SLC24A2: variants seen among roughly 807,000 people sequenced by gnomAD.
SLC24A2 encodes the protein sodium/potassium/calcium exchanger 2.
A neutral mutation model predicts 62.0 loss-of-function variants in SLC24A2; 36 were observed. The ratio of observed to expected loss-of-function variants is 0.58; its 90% CI spans 0.44 to 0.77. SLC24A2 has a LOEUF of 0.77. Among genes scored for constraint, SLC24A2 ranks in the 30% least tolerant of loss-of-function variants. The pLI, the probability that SLC24A2 is intolerant of heterozygous loss-of-function variation, is 0.00. For missense variants in SLC24A2, 846 were observed against 817.9 expected (o/e 1.03, Z -0.42); for synonymous variants, 358 against 294.0 (o/e 1.22, Z -2.23).
At chr9:19,961,234 T>TA in the SLC24A2 span, among the ~76,000 whole-genome samples, 50 of 149,230 alleles carry the variant, frequency 3.4e-4, no homozygotes, top group South Asian at 2.1e-3. Flanking sequence ...ATAATAATAA[T>TA]AAAAAAAAAG....
chr9:19,568,876 C>G (rs1428699879), intron 7 of SLC24A2, among the ~76,000 whole-genome samples: 1 of 152,194 alleles, frequency 6.6e-6, no homozygotes, highest in African/African-American at 2.4e-5. Context: ...AGCCCCTGTT[C>G]TGGAAGTAAG....
At chr9:19,656,822 T>C (rs1818956333) in intron 2 of SLC24A2, among the ~76,000 whole-genome samples, 1 of 152,170 alleles carries the variant, frequency 6.6e-6, no homozygotes, top group Non-Finnish European at 1.5e-5. Flanking sequence ...CTGCTTCCCA[T>C]CCCCAGCTTC....
chr9:19,785,899 T>G, intron 2 of SLC24A2, 38 bp downstream of exon 2: 2 of 1,613,956 alleles, frequency 1.2e-6, no homozygotes, highest in African/African-American at 2.7e-5. Flanking sequence ...AGAACCGTAG[T>G]CAAGAAAAGC....
chr9:19,745,650 T>C (rs932353732), intron 2 of SLC24A2, among the ~76,000 whole-genome samples: 13 of 152,148 alleles, frequency 8.5e-5, no homozygotes, highest in Non-Finnish European at 4.4e-5. Flanking sequence ...AATTAATCTA[T>C]CCCTCTGAAT....
At chr9:20,056,893 C>G in the SLC24A2 span, among the ~76,000 whole-genome samples, 11 of 152,320 alleles carry the variant, frequency 7.2e-5, no homozygotes, top group African/African-American at 2.6e-4. Flanking sequence ...TAAAAAACCC[C>G]TCTCTTTACA....
intron 2 of SLC24A2, among the ~76,000 whole-genome samples, chr9:19,683,906 C>T (rs1819797251): frequency 6.6e-6 from 1 of 152,078 alleles, no homozygotes; most frequent in Non-Finnish European, 1.5e-5. Flanking sequence ...CCTGGCAGTT[C>T]CTCCCTGTGT....
At chr9:19,867,772 G>A in the SLC24A2 span, among the ~76,000 whole-genome samples, 1 of 152,264 alleles carries the variant, frequency 6.6e-6, no homozygotes, top group East Asian at 1.9e-4. Flanking sequence ...GCTGGGCGTG[G>A]TGTTGCACGC....
the SLC24A2 span, among the ~76,000 whole-genome samples, chr9:20,112,302 C>T: frequency 6.6e-6 from 1 of 152,180 alleles, no homozygotes; most frequent in African/African-American, 2.4e-5. Flanking sequence ...GAAAGCAAGG[C>T]CGAATCTGCA....
chr9:20,167,894 T>G, the SLC24A2 span, among the ~76,000 whole-genome samples: 3 of 151,778 alleles, frequency 2.0e-5, no homozygotes, highest in Non-Finnish European at 4.4e-5. Flanking sequence ...CCTGTTTTTT[T>G]TTTTTATATT....
intron 5 of SLC24A2, among the ~76,000 whole-genome samples, chr9:19,593,182 G>A (rs1438352940): frequency 6.6e-6 from 1 of 152,200 alleles, no homozygotes; most frequent in Non-Finnish European, 1.5e-5. Context: ...TAAGAAAGAT[G>A]CCTTCCACTG....
chr9:19,604,304 T>G (rs189347518), intron 4 of SLC24A2, among the ~76,000 whole-genome samples: 3 of 152,120 alleles, frequency 2.0e-5, no homozygotes, highest in Admixed American at 2.0e-4. Context: ...TTCAGTGAAG[T>G]AGGAGGACTT....
chr9:20,220,622 T>C, the SLC24A2 span, among the ~76,000 whole-genome samples: 1 of 152,152 alleles, frequency 6.6e-6, no homozygotes, highest in Non-Finnish European at 1.5e-5. Context: ...AGTTGGTTGG[T>C]TTGTTTGTTT....
the SLC24A2 span, among the ~76,000 whole-genome samples, chr9:20,224,065 G>T: frequency 6.6e-6 from 1 of 151,950 alleles, no homozygotes; most frequent in African/African-American, 2.4e-5. Flanking sequence ...AAAACAGCAT[G>T]AGGAAACTGC....
chr9:19,772,816 A>G (rs1457656939), intron 2 of SLC24A2, among the ~76,000 whole-genome samples: 3 of 152,222 alleles, frequency 2.0e-5, no homozygotes, highest in Admixed American at 6.5e-5. Context: ...TAGAGAACAC[A>G]TGACCCAGCA....
intron 2 of SLC24A2, among the ~76,000 whole-genome samples, chr9:19,702,102 C>T (rs1820373240): frequency 6.6e-6 from 1 of 152,152 alleles, no homozygotes; most frequent in African/African-American, 2.4e-5. Flanking sequence ...ATTAATAAAA[C>T]TCCTTTTTTG....
chr9:20,115,092 C>G, the SLC24A2 span, among the ~76,000 whole-genome samples: 1 of 151,972 alleles, frequency 6.6e-6, no homozygotes, highest in Non-Finnish European at 1.5e-5. Context: ...TTAATGGGCC[C>G]AAAGAACATA....
At chr9:19,562,000 G>C (rs1037722626) in intron 7 of SLC24A2, among the ~76,000 whole-genome samples, 9 of 152,126 alleles carry the variant, frequency 5.9e-5, no homozygotes, top group Admixed American at 2.6e-4. Flanking sequence ...TTTTCCGAGA[G>C]GCCAAGAAAC....
the SLC24A2 span, among the ~76,000 whole-genome samples, chr9:20,107,447 C>G: frequency 6.6e-6 from 1 of 152,154 alleles, no homozygotes; most frequent in Non-Finnish European, 1.5e-5. Flanking sequence ...TCAAACTATA[C>G]TACAAGGCTA....
chr9:20,150,074 G>A, the SLC24A2 span, among the ~76,000 whole-genome samples: 1 of 151,990 alleles, frequency 6.6e-6, no homozygotes, highest in African/African-American at 2.4e-5. Flanking sequence ...AAAGAGTAAA[G>A]ACATGATTTA....
Sources: gnomAD v4.1 joint callset for allele counts (sites outside exome capture counted in the v4.1 genomes callset) on GRCh38, gnomAD v4.1.1 for gene constraint, MANE v1.5 for transcripts, NCBI Gene and HGNC (gene_info 2026-07-23, HGNC 2026-07-21) for gene names.